Variants in LMF1 observed in about 807,000 individuals in gnomAD.
LMF1 encodes transmembrane protein 112.
A neutral mutation model predicts 60.6 loss-of-function variants in LMF1; 68 were observed. That is an observed-to-expected ratio of 1.12 (90% confidence interval 0.92 to 1.37). The LOEUF is 1.37. LMF1 is among the 40% of genes most tolerant of loss of function. The probability of loss-of-function intolerance (pLI) is 0.00; values close to 1 mark genes in which losing one functional copy is unlikely to be tolerated. For synonymous variants in LMF1, 418 were observed against 324.7 expected, an observed-to-expected ratio of 1.29 and a Z score of -3.09; for missense variants, 948 against 767.2, an observed-to-expected ratio of 1.24 and a Z score of -2.78.
chr16:909,662 C>A (rs117508202), intron 4 of LMF1, among the ~76,000 whole-genome samples: 1 of 152,184 alleles, frequency 6.6e-6, no homozygotes, highest in Non-Finnish European at 1.5e-5. Flanking sequence ...GTGGAGTCAT[C>A]GCTTCCTGAG....
intron 1 of LMF1, among the ~76,000 whole-genome samples, chr16:957,177 A>T (rs1466108904): frequency 2.6e-5 from 4 of 152,166 alleles, no homozygotes; most frequent in African/African-American, 9.7e-5. Flanking sequence ...ACAAACAAGG[A>T]ATGACACAGG....
intron 8 of LMF1, 70 bp from the exon 9 acceptor site, chr16:870,136 G>T (rs142368762): frequency 4.6e-6 from 7 of 1,517,842 alleles, no homozygotes; most frequent in East Asian, 2.3e-5. Flanking sequence ...GCATGGGTGG[G>T]GGGGGTTCCC....
At chr16:855,092 G>A (rs912802856) in intron 10 of LMF1, 13 of 334,102 alleles carry the variant, frequency 3.9e-5, no homozygotes, top group Non-Finnish European at 7.5e-5. Context: ...TGGGAAGGTG[G>A]GGAGAGGAAC....
chr16:890,342 C>T (rs2070446575), intron 5 of LMF1, among the ~76,000 whole-genome samples: 1 of 152,216 alleles, frequency 6.6e-6, no homozygotes, highest in African/African-American at 2.4e-5. Flanking sequence ...CAGCGGGGCT[C>T]CCTCATGCCT....
chr16:888,582 C>T (rs1286089788), intron 5 of LMF1, among the ~76,000 whole-genome samples: 1 of 152,240 alleles, frequency 6.6e-6, no homozygotes, highest in Non-Finnish European at 1.5e-5. Flanking sequence ...GTGACCCCCA[C>T]ATTCACAACC....
chr16:934,487 T>G (rs2071884827), intron 2 of LMF1: 3 of 563,356 alleles, frequency 5.3e-6, no homozygotes, highest in Admixed American at 6.3e-5. Context: ...ATACACCTAC[T>G]AAGTACCCAT....
Position 874,694 on chromosome 16 carries a change from A to G in LMF1, c.898-3353T>C, listed in dbSNP as rs553642801. On this transcript the variant is annotated intron_variant, in intron 6 of 10. Coordinates refer to ENST00000262301, the MANE Select transcript of LMF1 (RefSeq NM_022773.4). The surrounding 1 kb of genome is among the most constrained non-coding windows in gnomAD (Gnocchi z 4.1). Reference sequence around the variant, plus strand: ...GGACAGGCTCCGGGGGACGGTGCTCAGATGGGAACACACGGAACCAGGACG... The same window carrying G: ...GGACAGGCTCCGGGGGACGGTGCTCGGATGGGAACACACGGAACCAGGACG... Among the ~76,000 whole-genome samples, 556 of 151,974 alleles carry G rather than the reference A, an allele frequency of 3.7e-3. 1 individual carries two copies. The highest frequency in any genetic ancestry group is 0.013 in the African/African-American group (540 of 41,460).
intron 10 of LMF1, among the ~76,000 whole-genome samples, chr16:856,630 C>T (rs1288840060): frequency 1.3e-5 from 2 of 152,334 alleles, no homozygotes; most frequent in South Asian, 2.1e-4. Context: ...TCTCTGACAT[C>T]AAGAGCTGGA....
chr16:869,821 C>CTA, intron 9 of LMF1, 62 bp downstream of exon 9: 1 of 1,531,112 alleles, frequency 6.5e-7, no homozygotes, highest in East Asian at 2.3e-5. Flanking sequence ...AACCTGCCAT[C>CTA]TATGGGCAGA....
intron 10 of LMF1, among the ~76,000 whole-genome samples, chr16:866,837 T>C (rs762415269): frequency 6.6e-6 from 1 of 152,200 alleles, no homozygotes; most frequent in Middle Eastern, 3.2e-3. Context: ...GTTTCCAGTT[T>C]CCTCACCCCC....
At position 966,109 on chromosome 16, in the gene LMF1, A is replaced by C. The variant is rs896425784; in HGVS notation, c.193+4679T>G. On this transcript the variant is annotated intron_variant, in intron 1 of 10. Coordinates refer to ENST00000262301, the MANE Select transcript of LMF1 (RefSeq NM_022773.4). ...GCCAGAAGGGTGTCGGCAGCCACGG[A>C]GAGAACAAGTACAGTTAACCCTGGG... Among the ~76,000 whole-genome samples, 5 of 152,274 alleles carry C rather than the reference A, an allele frequency of 3.3e-5. No individual in the cohort carries two copies. The South Asian group carries it at 1.0e-3, about 32-fold the overall frequency.
At chr16:923,909 G>C (rs1011298253) in intron 3 of LMF1, among the ~76,000 whole-genome samples, 4 of 152,212 alleles carry the variant, frequency 2.6e-5, no homozygotes, top group African/African-American at 9.7e-5. Flanking sequence ...TATTGGAAAG[G>C]GTTGACCAGT....
chr16:859,459 G>GC (rs1182576654), intron 10 of LMF1, among the ~76,000 whole-genome samples: 1 of 95,414 alleles, frequency 1.0e-5, no homozygotes, highest in Non-Finnish European at 2.0e-5. Context: ...GGACGGGTGT[G>GC]AGTGGTGTCT....
At position 870,053 on chromosome 16, in the gene LMF1, G is replaced by T; in HGVS notation, c.1246C>A (p.Arg416=). ...YGAFGSITKE[R]AEVILQGTAS... Reference sequence around the variant, plus strand: ...GTGCCCTGCAGGATCACCTCCGCCCGCTCCTTGGTGATGCTGCCGGGAGAC... The same window carrying T: ...GTGCCCTGCAGGATCACCTCCGCCCTCTCCTTGGTGATGCTGCCGGGAGAC... Residue 416 remains arginine, a synonymous_variant, in exon 9 of 11, where the codon CGG becomes AGG. Coordinates refer to ENST00000262301, the MANE Select transcript of LMF1 (RefSeq NM_022773.4). The T allele has an allele frequency of 6.2e-7, 1 of 1,609,144 alleles. No individual in the cohort carries two copies. The highest frequency in any genetic ancestry group is 8.5e-7 in the Non-Finnish European group (1 of 1,179,468).
intron 5 of LMF1, 91 bp downstream of exon 5, chr16:892,916 A>G: frequency 1.0e-6 from 1 of 977,802 alleles, no homozygotes; most frequent in Non-Finnish European, 1.5e-6. Flanking sequence ...GCGACAGCTC[A>G]CCAGGGTGTG....
Position 868,841 on chromosome 16 carries a change from C to T in LMF1, c.1529+103G>A, listed in dbSNP as rs188092927. On this transcript the variant is annotated intron_variant, in intron 10 of 10. Coordinates refer to ENST00000262301, the MANE Select transcript of LMF1 (RefSeq NM_022773.4). ...TCCTGCCTCTGCGGGAGGGAAGGGGCGCTTCCCGTGAGCAGGTGGGGGTGC... is the reference window on the plus strand; with the variant it reads ...TCCTGCCTCTGCGGGAGGGAAGGGGTGCTTCCCGTGAGCAGGTGGGGGTGC... 2,638 of 738,746 alleles carry T rather than the reference C, an allele frequency of 3.6e-3. 20 individuals are homozygous for T. Among genetic ancestry groups the T allele is most frequent in the African/African-American group, 0.024 (1,364 of 57,970 alleles). 45.8% of individuals were successfully genotyped at this position (738,746 alleles called of 1,614,324 possible). A position where few individuals can be genotyped will look rare whatever the true frequency, so the allele number is the denominator to read the frequency against.
intron 1 of LMF1, chr16:964,156 C>A (rs114225334): frequency 6.9e-4 from 316 of 455,556 alleles, no homozygotes; most frequent in African/African-American, 5.7e-3. Flanking sequence ...AATAGCTGGG[C>A]GTGGCAGCCT....
chr16:969,185 C>T (rs1010215849), intron 1 of LMF1, among the ~76,000 whole-genome samples: 1 of 152,000 alleles, frequency 6.6e-6, no homozygotes, highest in Admixed American at 6.6e-5. Flanking sequence ...CATGGTGGTG[C>T]GTGCCTATAA....
At chr16:864,560 G>A (rs190330707) in intron 10 of LMF1, among the ~76,000 whole-genome samples, 156 of 152,240 alleles carry the variant, frequency 1.0e-3, no homozygotes, top group African/African-American at 3.5e-3. Context: ...GAGCTACGAC[G>A]GATGTTTGGT....
Sources: gnomAD v4.1 joint callset for allele counts (sites outside exome capture counted in the v4.1 genomes callset) on GRCh38, gnomAD v4.1.1 for gene constraint, Gnocchi (gnomAD v3.1) non-coding constraint, MANE v1.5 for transcripts, NCBI Gene and HGNC (gene_info 2026-07-23, HGNC 2026-07-21) for gene names.